The following FMNL3 variants were observed in gnomAD, a reference collection of about 807,000 sequenced individuals.
The protein encoded by FMNL3 is formin like 3.
A neutral mutation model predicts 119.6 loss-of-function variants in FMNL3; 57 were observed. The observed-to-expected ratio is 0.48, with a 90% CI of 0.39 to 0.59. FMNL3 has a LOEUF of 0.59. FMNL3 is among the 20% of genes least tolerant of loss of function. The probability of loss-of-function intolerance (pLI) is 0.00; values close to 1 mark genes in which losing one functional copy is unlikely to be tolerated. For missense variants in FMNL3, 1,053 were observed against 1,323.5 expected, an observed-to-expected ratio of 0.80 and a Z score of 3.17; for synonymous variants, 491 against 507.3, an observed-to-expected ratio of 0.97 and a Z score of 0.43.
Position 49,653,959 on chromosome 12 carries a change from C to T in FMNL3, c.1072-85G>A, listed in dbSNP as rs1302026076. 8 of 1,507,528 alleles carry T rather than the reference C, an allele frequency of 5.3e-6. No individual in the cohort carries two copies. In the East Asian group the frequency reaches 1.7e-4, roughly 31 times the overall value. The allele number at this position is 1,507,528 out of a possible 1,614,324, so 93.4% of individuals were successfully genotyped here. On this transcript the variant is annotated intron_variant, in intron 11 of 25. Coordinates refer to ENST00000335154, the MANE Select transcript of FMNL3 (RefSeq NM_175736.5). ...TTCTGAGAAAGTCTTAGTCCTCATCCCCCTTCGCCACCACTTCCCAAAGAG... is the reference window on the plus strand; with the variant it reads ...TTCTGAGAAAGTCTTAGTCCTCATCTCCCTTCGCCACCACTTCCCAAAGAG...
At position 49,647,405 on chromosome 12, in the gene FMNL3, C is replaced by T; in HGVS notation, c.2779-37G>A. On this transcript the variant is annotated intron_variant, in intron 23 of 25. Coordinates refer to ENST00000335154, the MANE Select transcript of FMNL3 (RefSeq NM_175736.5). This position sits in a 1 kb window ranked among gnomAD's most constrained non-coding sequence, Gnocchi z 4.9. Reference sequence around the variant, plus strand: ...GGAAGATGGGGGGTGGGGAGTGAGGCTCATAGGCTGTGAGGGGAGGGGCTG... The same window carrying T: ...GGAAGATGGGGGGTGGGGAGTGAGGTTCATAGGCTGTGAGGGGAGGGGCTG... 2 of 1,599,988 alleles carry T rather than the reference C, an allele frequency of 1.3e-6. No homozygotes were observed. Among genetic ancestry groups the T allele is most frequent in the African/African-American group, 1.3e-5 (1 of 74,900 alleles).
chr12:49,703,105 A>C (rs1044562244), intron 1 of FMNL3, among the ~76,000 whole-genome samples: 2 of 152,178 alleles, frequency 1.3e-5, no homozygotes, highest in African/African-American at 4.8e-5. Context: ...CCTCCTCCTA[A>C]GGGATATACA....
In FMNL3 at chr12:49,637,690, G is replaced by A; in HGVS notation, c.*8125C>T. The stretch of plus-strand genomic sequence containing the variant: ...TCCTCGGCCCAGCCCCCAGGCCTTG[G>A]GAAGCTGCCGCCCGCCAGGCCCCCC... On this transcript the variant is annotated 3_prime_UTR_variant, in exon 26 of 26. Transcript: ENST00000335154. 2.0e-6 allele frequency: 3 copies of A among 1,503,928 alleles called. No homozygotes were observed. Among genetic ancestry groups the A allele is most frequent in the Non-Finnish European group, 2.7e-6 (3 of 1,095,820 alleles). 93.2% of individuals were successfully genotyped at this position (1,503,928 alleles called of 1,614,324 possible).
intron 5 of FMNL3, 85 bp from the exon 6 acceptor site, chr12:49,658,679 C>A: frequency 2.8e-6 from 4 of 1,449,350 alleles, no homozygotes; most frequent in Non-Finnish European, 2.7e-6. Context: ...GAGCCCACCC[C>A]CACCCTTCAG....
rs1221013973 is a variant in FMNL3 at position 49,637,772 on chromosome 12, A to G, written c.*8043T>C. ...GACTTATTCAAGTTCTATGTGGAGG[A>G]GTTGAAGGCACGATTCCATGATGAA... On this transcript the variant is annotated 3_prime_UTR_variant, in exon 26 of 26. Coordinates refer to ENST00000335154, the MANE Select transcript of FMNL3 (RefSeq NM_175736.5). 1.9e-6 allele frequency: 3 copies of G among 1,578,422 alleles called. No individual in the cohort carries two copies. The highest frequency in any genetic ancestry group is 1.7e-6 in the Non-Finnish European group (2 of 1,161,808).
intron 21 of FMNL3, among the ~76,000 whole-genome samples, chr12:49,648,770 A>G (rs1488045895): frequency 6.6e-6 from 1 of 152,204 alleles, no homozygotes; most frequent in Non-Finnish European, 1.5e-5. Context: ...GGGAGTAAAG[A>G]GCGACTGCTC....
rs996381545 is a variant in FMNL3 at position 49,638,665 on chromosome 12, G to A, written c.*7150C>T. On this transcript the variant is annotated 3_prime_UTR_variant, in exon 26 of 26. Transcript: ENST00000335154. The stretch of plus-strand genomic sequence containing the variant: ...GTGAAGATTCTAATGCATTTGAGGA[G>A]ATAATACAGTACAGTGGTTAGGAGC... 1 of 152,248 alleles carries A rather than the reference G, an allele frequency of 6.6e-6. No homozygotes were observed. Among genetic ancestry groups the A allele is most frequent in the African/African-American group, 2.4e-5 (1 of 41,456 alleles). 9.4% of individuals were successfully genotyped at this position (152,248 alleles called of 1,614,324 possible). A position where few individuals can be genotyped will look rare whatever the true frequency, so the allele number is the denominator to read the frequency against.
In FMNL3 at chr12:49,641,712, A is replaced by C; in HGVS notation, c.*4103T>G. The C allele has an allele frequency of 1.7e-6, 1 of 586,104 alleles. No homozygotes were observed. The highest frequency in any genetic ancestry group is 3.0e-6 in the Non-Finnish European group (1 of 329,070). 36.3% of individuals were successfully genotyped at this position (586,104 alleles called of 1,614,324 possible). ...CCCCTTCAGCTCTGTGTGACATCCA[A>C]ACCAAGGGTAGGCATGGGGGCTTAA... On this transcript the variant is annotated 3_prime_UTR_variant, in exon 26 of 26. Coordinates refer to ENST00000335154, the MANE Select transcript of FMNL3 (RefSeq NM_175736.5).
chr12:49,699,143 G>A (rs1448826859), intron 1 of FMNL3, among the ~76,000 whole-genome samples: 2 of 152,166 alleles, frequency 1.3e-5, no homozygotes, highest in Non-Finnish European at 2.9e-5. Context: ...GTCTGGAGAC[G>A]TGGGAGAAAT....
intron 1 of FMNL3, among the ~76,000 whole-genome samples, chr12:49,695,160 A>C (rs1465240920): frequency 6.6e-6 from 1 of 152,154 alleles, no homozygotes; most frequent in Non-Finnish European, 1.5e-5. Context: ...TGTCTCTAAA[A>C]AATATATAAA....
chr12:49,650,314 A>G (rs77562444), intron 17 of FMNL3, among the ~76,000 whole-genome samples: 1 of 152,080 alleles, frequency 6.6e-6, no homozygotes, highest in Non-Finnish European at 1.5e-5. Context: ...GGACTAACTC[A>G]TATCTTTTCT....
At chr12:49,661,705 C>G (rs2138820918) in intron 5 of FMNL3, 1 of 431,938 alleles carries the variant, frequency 2.3e-6, no homozygotes, top group African/African-American at 2.0e-5. Flanking sequence ...GGTTCTGATT[C>G]CAAGCTCCCT....
Position 49,636,656 on chromosome 12 carries a change from T to C in FMNL3, c.*9159A>G. ...AGCATCGTTGAAACATTAGGGGTGC[T>C]GGGGTCTGAGAGGGTATCCTGCTGG... On this transcript the variant is annotated 3_prime_UTR_variant, in exon 26 of 26. Coordinates refer to ENST00000335154, the MANE Select transcript of FMNL3 (RefSeq NM_175736.5). 6 of 1,605,798 alleles carry C rather than the reference T, an allele frequency of 3.7e-6. No individual in the cohort carries two copies. The highest frequency in any genetic ancestry group is 4.3e-6 in the Non-Finnish European group (5 of 1,173,616).
intron 1 of FMNL3, among the ~76,000 whole-genome samples, chr12:49,693,796 G>A (rs1944679879): frequency 6.6e-6 from 1 of 151,116 alleles, no homozygotes; most frequent in Non-Finnish European, 1.5e-5. Flanking sequence ...TTACAGGCAC[G>A]CACCACCACA....
At position 49,651,409 on chromosome 12, in the gene FMNL3, A is replaced by C. The variant is rs374922402; in HGVS notation, c.1645T>G (p.Ser549Ala). 184 of 1,546,986 alleles carry C rather than the reference A, an allele frequency of 1.2e-4. No individual in the cohort carries two copies. Among genetic ancestry groups the C allele is most frequent in the Non-Finnish European group, 1.4e-4 (160 of 1,140,618 alleles). The change falls in exon 15 of 26, where the codon TCT becomes GCT. Residue 549 changes from serine to alanine, a missense_variant. By Grantham distance (99) the Ser-to-Ala change is moderately conservative (BLOSUM62 1). Around this residue, in one of 4 missense-constraint regions of FMNL3, gnomAD observed 445 missense variants for 628.4 expected, o/e 0.71. Coordinates refer to ENST00000335154, the MANE Select transcript of FMNL3 (RefSeq NM_175736.5). The stretch of plus-strand genomic sequence containing the variant: ...GACAGGCCCACTGTCAACACCACAG[A>C]GGGTGCAGCACCAGGGAGAGGTGGG... ...PAPPLPGAAP[S>A]VVLTVGLSAI...
At chr12:49,698,674 A>G (rs548043005) in intron 1 of FMNL3, among the ~76,000 whole-genome samples, 38 of 152,320 alleles carry the variant, frequency 2.5e-4, no homozygotes, top group African/African-American at 7.9e-4. Flanking sequence ...TAGAGAGGAA[A>G]GTGGGAGGCA....
At chr12:49,665,626 G>T (rs1301731612) in intron 4 of FMNL3, among the ~76,000 whole-genome samples, 2 of 152,226 alleles carry the variant, frequency 1.3e-5, no homozygotes, top group Non-Finnish European at 2.9e-5. Flanking sequence ...GAAACATCTA[G>T]TCAGCAGCTG....
intron 6 of FMNL3, 72 bp from the exon 7 acceptor site, chr12:49,657,262 AC>A (rs1943600992): frequency 2.5e-6 from 3 of 1,203,412 alleles, no homozygotes; most frequent in Non-Finnish European, 3.7e-6. Context: ...ACTCACCATC[AC>A]CCGGACAGCA....
chr12:49,647,175 G>T lies in FMNL3; in HGVS notation c.2871+101C>A. On this transcript the variant is annotated intron_variant, in intron 24 of 25. Transcript: ENST00000335154. The surrounding 1 kb of genome is among the most constrained non-coding windows in gnomAD (Gnocchi z 4.9). ...TGCCAGCCCACTGGCCCTCTGGGTG[G>T]TCTGTCCACTCCAAGTTTTCATCTC... The T allele has an allele frequency of 6.4e-7, 1 of 1,558,622 alleles. No individual in the cohort carries two copies. Among genetic ancestry groups the T allele is most frequent in the Non-Finnish European group, 8.8e-7 (1 of 1,135,800 alleles).
Sources: gnomAD v4.1 joint callset for allele counts (sites outside exome capture counted in the v4.1 genomes callset) on GRCh38, gnomAD v4.1.1 for gene constraint, gnomAD v4.1.1 regional missense constraint, Gnocchi (gnomAD v3.1) non-coding constraint, MANE v1.5 for transcripts, NCBI Gene and HGNC (gene_info 2026-07-23, HGNC 2026-07-21) for gene names.